The following FMN1 variants were observed in gnomAD, a reference collection of about 807,000 sequenced individuals.
The protein encoded by FMN1 is formin-1.
FMN1 carries 110 observed loss-of-function variants against 132.4 expected under a neutral mutation model. The ratio of observed to expected loss-of-function variants is 0.83; its 90% CI spans 0.71 to 0.97. FMN1 has a LOEUF of 0.97. Ranked by LOEUF, FMN1 falls within the 50% of genes least tolerant of loss-of-function variation. The pLI is 0.00. For synonymous variants in FMN1, 722 were observed against 651.7 expected, an observed-to-expected ratio of 1.11 and a Z score of -1.64; for missense variants, 1,792 against 1,705.3, an observed-to-expected ratio of 1.05 and a Z score of -0.90.
intron 5 of FMN1, among the ~76,000 whole-genome samples, chr15:33,082,895 A>G (rs919228813): frequency 1.1e-4 from 16 of 152,096 alleles, no homozygotes; most frequent in African/African-American, 3.9e-4. Flanking sequence ...AAAACCAAAA[A>G]ATTTTGTAAT....
chr15:32,786,037 G>A (rs908883689), intron 19 of FMN1, among the ~76,000 whole-genome samples: 1 of 152,134 alleles, frequency 6.6e-6, no homozygotes, highest in Non-Finnish European at 1.5e-5. Context: ...GTGCCAACAG[G>A]TAATGTGCCT....
At chr15:32,859,791 C>T (rs533972496) in intron 16 of FMN1, among the ~76,000 whole-genome samples, 73 of 152,184 alleles carry the variant, frequency 4.8e-4, no homozygotes, top group Non-Finnish European at 7.2e-4. Context: ...AATCCCAGTG[C>T]TTTGAGAGGC....
intron 9 of FMN1, among the ~76,000 whole-genome samples, chr15:32,959,958 G>A (rs1203921409): frequency 6.6e-6 from 1 of 152,194 alleles, no homozygotes; most frequent in African/African-American, 2.4e-5. Context: ...GTTCAGGCAA[G>A]CCTTCCTGAA....
At chr15:32,993,224 A>G (rs1395211087) in intron 7 of FMN1, among the ~76,000 whole-genome samples, 1 of 151,684 alleles carries the variant, frequency 6.6e-6, no homozygotes, top group Non-Finnish European at 1.5e-5. Flanking sequence ...ACATTAAGCC[A>G]TATAAAATTG....
chr15:33,113,247 C>CT (rs1297555059), intron 4 of FMN1, among the ~76,000 whole-genome samples: 3 of 129,372 alleles, frequency 2.3e-5, no homozygotes. Context: ...GGTCAGTGGG[C>CT]TCCTTGACAT....
At chr15:32,814,862 T>C (rs758931794) in intron 17 of FMN1, among the ~76,000 whole-genome samples, 3 of 152,172 alleles carry the variant, frequency 2.0e-5, no homozygotes, top group Non-Finnish European at 4.4e-5. Context: ...TATTAATTGG[T>C]GAGAATGTCC....
chr15:32,892,020 C>G (rs1596198727), intron 15 of FMN1, among the ~76,000 whole-genome samples: 2 of 150,868 alleles, frequency 1.3e-5, no homozygotes, highest in Admixed American at 6.6e-5. Flanking sequence ...GTTTGAACTC[C>G]TCTTTACTGA....
At chr15:32,776,410 C>T (rs1480145901) in intron 20 of FMN1, among the ~76,000 whole-genome samples, 3 of 152,114 alleles carry the variant, frequency 2.0e-5, no homozygotes, top group Non-Finnish European at 4.4e-5. Context: ...GCTAAGTGAC[C>T]CTGGGTAGGC....
Position 33,153,816 on chromosome 15 carries a change from T to G in FMN1, c.1099A>C (p.Lys367Gln). 1 of 1,536,438 alleles carries G rather than the reference T, an allele frequency of 6.5e-7. No individual in the cohort carries two copies. The highest frequency in any genetic ancestry group is 8.7e-7 in the Non-Finnish European group (1 of 1,146,994). The stretch of plus-strand genomic sequence containing the variant: ...CCCGGGAGGGTGAGCAAGTCGGCTT[T>G]GGGTACAAACTCAGCGTGGGCTGCT... ...RPAAHAEFVP[K>Q]ADLLTLPGAE... Residue 367 changes from lysine to glutamine, a missense_variant, in exon 4 of 21, where the codon AAA (lysine) becomes CAA (glutamine). Lys to Gln is a moderately conservative substitution (Grantham distance 53). This residue lies in a region of FMN1 where 638 missense variants were observed against 645.2 expected (regional missense o/e 0.99). Transcript: ENST00000616417.
intron 4 of FMN1, among the ~76,000 whole-genome samples, chr15:33,130,584 A>G (rs1963499251): frequency 6.6e-6 from 1 of 152,204 alleles, no homozygotes; most frequent in African/African-American, 2.4e-5. Context: ...GCTGTGATAT[A>G]AGGCAATTTT....
chr15:32,960,147 C>G (rs2030342194), intron 9 of FMN1, among the ~76,000 whole-genome samples: 1 of 152,090 alleles, frequency 6.6e-6, no homozygotes. Flanking sequence ...ATCAGCTGAC[C>G]TTTTTTTGCC....
At chr15:32,846,629 A>T (rs1395055470) in intron 17 of FMN1, among the ~76,000 whole-genome samples, 1 of 152,238 alleles carries the variant, frequency 6.6e-6, no homozygotes, top group Non-Finnish European at 1.5e-5. Flanking sequence ...AAATTAGTTC[A>T]ACCATTGTGG....
chr15:32,971,098 C>T (rs1052838612), intron 7 of FMN1, among the ~76,000 whole-genome samples: 1 of 152,162 alleles, frequency 6.6e-6, no homozygotes, highest in African/African-American at 2.4e-5. Context: ...AACGCTGTGT[C>T]CCTAAGCCTG....
At chr15:33,191,201 A>G (rs747862258) in intron 2 of FMN1, among the ~76,000 whole-genome samples, 1 of 152,134 alleles carries the variant, frequency 6.6e-6, no homozygotes, top group Non-Finnish European at 1.5e-5. Flanking sequence ...GCTACCTCCA[A>G]AATATTTTGC....
chr15:32,887,872 C>A (rs2059931977), intron 16 of FMN1, among the ~76,000 whole-genome samples: 1 of 152,064 alleles, frequency 6.6e-6, no homozygotes, highest in South Asian at 2.1e-4. Context: ...CAGTAAGCAT[C>A]TAGTAAATGG....
intron 7 of FMN1, among the ~76,000 whole-genome samples, chr15:32,989,063 C>G (rs966041763): frequency 3.3e-5 from 5 of 152,188 alleles, no homozygotes; most frequent in Non-Finnish European, 7.4e-5. Context: ...AGTTTTTCCA[C>G]TACAGTTTTC....
At chr15:32,848,598 G>A (rs1372422052) in intron 17 of FMN1, among the ~76,000 whole-genome samples, 1 of 152,150 alleles carries the variant, frequency 6.6e-6, no homozygotes. Context: ...AAGACCATTT[G>A]GTTTCCAATT....
Position 32,902,023 on chromosome 15 carries a change from G to A in FMN1, c.3395C>T (p.Ala1132Val), listed in dbSNP as rs1157212283. 6.2e-6 allele frequency: 10 copies of A among 1,609,638 alleles called. No individual in the cohort carries two copies. The Admixed American group carries it at 1.7e-4, about 27-fold the overall frequency. Residue 1132 changes from alanine (A) to valine (V), a missense_variant, in exon 13 of 21, where the codon GCC (alanine) becomes GTC (valine). This residue lies in a region of FMN1 where 1,150 missense variants were observed against 1,043.1 expected (regional missense o/e 1.10). Coordinates refer to ENST00000616417, the MANE Select transcript of FMN1 (RefSeq NM_001277313.2). ...DKPEQFLHEL[A>V]QIPNFAERAQ... ...ACGTTCAGCAAAATTAGGAATCTGG[G>A]CTAACTCATGTAAAAATCTGTAAAA...
At chr15:32,859,156 G>A (rs1318969141) in intron 16 of FMN1, among the ~76,000 whole-genome samples, 3 of 152,164 alleles carry the variant, frequency 2.0e-5, no homozygotes, top group African/African-American at 7.2e-5. Flanking sequence ...TTAAGAGACA[G>A]AGGAGATCAA....
Sources: gnomAD v4.1 joint callset for allele counts (sites outside exome capture counted in the v4.1 genomes callset) on GRCh38, gnomAD v4.1.1 for gene constraint, gnomAD v4.1.1 regional missense constraint, MANE v1.5 for transcripts, NCBI Gene and HGNC (gene_info 2026-07-23, HGNC 2026-07-21) for gene names.